The following SEPTIN7 variants were observed in gnomAD, a reference collection of about 807,000 sequenced individuals.
SEPTIN7 encodes the protein septin-7.
In SEPTIN7, 10 loss-of-function variants were observed where a neutral mutation model predicts 63.3. The ratio of observed to expected loss-of-function variants is 0.16; its 90% confidence interval spans 0.10 to 0.27. The LOEUF is 0.27. Among genes scored for constraint, SEPTIN7 ranks in the 10% least tolerant of loss-of-function variants. The pLI is 1.00. For missense variants in SEPTIN7, 310 were observed against 521.0 expected (o/e 0.59, Z 3.94); for synonymous variants, 131 against 165.3 (o/e 0.79, Z 1.59).
intron 3 of SEPTIN7, 145 bp from the exon 4 acceptor site, chr7:35,863,407 T>C: frequency 1.8e-6 from 1 of 568,918 alleles, no homozygotes; most frequent in African/African-American, 1.9e-5. Flanking sequence ...AAGATACTTA[T>C]TCTCTGTAGC....
intron 1 of SEPTIN7, among the ~76,000 whole-genome samples, chr7:35,830,432 G>A (rs1783776341): frequency 6.6e-6 from 1 of 152,046 alleles, no homozygotes; most frequent in Admixed American, 6.6e-5. Flanking sequence ...AAATACTGAT[G>A]GATGGGTTTC....
chr7:35,825,653 A>G (rs1028440025), intron 1 of SEPTIN7, among the ~76,000 whole-genome samples: 3 of 152,138 alleles, frequency 2.0e-5, no homozygotes, highest in Non-Finnish European at 4.4e-5. Context: ...CTTCTTGAGC[A>G]GGGATCTTGT....
At chr7:35,840,556 G>A (rs1784361908) in intron 3 of SEPTIN7, among the ~76,000 whole-genome samples, 1 of 152,002 alleles carries the variant, frequency 6.6e-6, no homozygotes, top group African/African-American at 2.4e-5. Context: ...GGGATTACAG[G>A]TGTGAGTCAT....
chr7:35,820,536 TTTTA>T lies in SEPTIN7; in HGVS notation c.62-10949_62-10946del, dbSNP rs1429098183. ...TTCGTTGAGCTTCTCTAGTGAATAC[TTTTA>T]TTTATTATATTTTTTAACTCCAGAA... On this transcript the variant is annotated intron_variant, in intron 1 of 13. Coordinates refer to ENST00000350320, the MANE Select transcript of SEPTIN7 (RefSeq NM_001788.6). Among the ~76,000 whole-genome samples the T allele has an allele frequency of 3.3e-5, 5 of 152,298 alleles. No homozygotes were observed. In the South Asian group the frequency reaches 8.3e-4, roughly 25 times the overall value.
chr7:35,840,137 C>G (rs1393953519), intron 3 of SEPTIN7, among the ~76,000 whole-genome samples: 4 of 100,462 alleles, frequency 4.0e-5, no homozygotes, highest in African/African-American at 1.2e-4. Context: ...TTCCCCTTCC[C>G]CCTTCCTCCT....
chr7:35,878,675 C>G lies in SEPTIN7; in HGVS notation c.513-1148C>G, dbSNP rs571159631. 9.4e-4 allele frequency among the ~76,000 whole-genome samples: 143 copies of G among 152,194 alleles called. 1 individual carries two copies. Among genetic ancestry groups the G allele is most frequent in the African/African-American group, 3.3e-3 (139 of 41,526 alleles). On this transcript the variant is annotated intron_variant, in intron 6 of 13. Transcript: ENST00000350320. Reference sequence around the variant, plus strand: ...ATGCATACACACATCTATACACATACTATATATAGGAATAGGATTAGAGGA... The same window carrying G: ...ATGCATACACACATCTATACACATAGTATATATAGGAATAGGATTAGAGGA...
At position 35,877,288 on chromosome 7, in the gene SEPTIN7, A is replaced by C. The variant is rs1261935056; in HGVS notation, c.513-2535A>C. The stretch of plus-strand genomic sequence containing the variant: ...GATTTAAGACAAGGAGAATTAGAAT[A>C]GGAGGCAGCTATCTTAATTCTCCAT... On this transcript the variant is annotated intron_variant, in intron 6 of 13. Transcript: ENST00000350320. Among the ~76,000 whole-genome samples the C allele has an allele frequency of 5.9e-5, 9 of 152,270 alleles. No homozygotes were observed. In the East Asian group the frequency reaches 1.5e-3, roughly 26 times the overall value.
chr7:35,914,638 CCTCTCTCTCT>C, the SEPTIN7 span, among the ~76,000 whole-genome samples: 4 of 148,706 alleles, frequency 2.7e-5, no homozygotes, highest in Non-Finnish European at 4.5e-5. Flanking sequence ...TCTTTCTGTC[CCTCTCTCTCT>C]CTCTCTCTCT....
At chr7:35,834,574 C>G (rs1431103479) in intron 3 of SEPTIN7, among the ~76,000 whole-genome samples, 1 of 152,046 alleles carries the variant, frequency 6.6e-6, no homozygotes, top group East Asian at 1.9e-4. Flanking sequence ...TCCTTACTTT[C>G]AAGTGTTAAT....
chr7:35,851,853 AATTAAT>A (rs1784977278), intron 3 of SEPTIN7, among the ~76,000 whole-genome samples: 1 of 152,168 alleles, frequency 6.6e-6, no homozygotes, highest in African/African-American at 2.4e-5. Flanking sequence ...TGTGAGTAGA[AATTAAT>A]ATTAATGTTC....
chr7:35,811,096 G>A (rs76934840), intron 1 of SEPTIN7, among the ~76,000 whole-genome samples: 10,771 of 152,108 alleles, frequency 0.071, 425 homozygotes, highest in South Asian at 0.18. Flanking sequence ...GAAGATTTTG[G>A]TATGTATTGT....
At chr7:35,891,798 T>TA in intron 11 of SEPTIN7, among the ~76,000 whole-genome samples, 1 of 152,334 alleles carries the variant, frequency 6.6e-6, no homozygotes, top group East Asian at 1.9e-4. Context: ...ACTTAAATTT[T>TA]AAAAAACTTT....
At chr7:35,881,879 C>A (rs1183127980) in intron 7 of SEPTIN7, among the ~76,000 whole-genome samples, 3 of 151,946 alleles carry the variant, frequency 2.0e-5, no homozygotes, top group African/African-American at 7.2e-5. Context: ...TCTGCATTCT[C>A]CTTATTAATT....
chr7:35,821,725 A>G (rs1789420951), intron 1 of SEPTIN7, among the ~76,000 whole-genome samples: 1 of 152,282 alleles, frequency 6.6e-6, no homozygotes, highest in African/African-American at 2.4e-5. Context: ...CATGTAGGAG[A>G]GTGTCTCTTT....
rs115371494 is a variant in SEPTIN7, at chr7:35,862,838, T to C, written c.170-714T>C. Among the ~76,000 whole-genome samples, 957 of 152,274 alleles carry C rather than the reference T, an allele frequency of 6.3e-3. 7 individuals carry two copies. The highest frequency in any genetic ancestry group is 0.022 in the African/African-American group (915 of 41,558). Reference sequence around the variant, plus strand: ...TATATACCTTGAAGCCATTTATATTTTCATATACTTGTAATAGTTACTATA... The same window carrying C: ...TATATACCTTGAAGCCATTTATATTCTCATATACTTGTAATAGTTACTATA... On this transcript the variant is annotated intron_variant, in intron 3 of 13. Transcript: ENST00000350320.
rs1788562843 is a variant in SEPTIN7, at chr7:35,905,411, T to C, written c.*1118T>C. On this transcript the variant is annotated 3_prime_UTR_variant, in exon 14 of 14. Transcript: ENST00000350320. Reference sequence around the variant, plus strand: ...TTTGCCTCCTCTACAATGACATCTTTTATATGCTTGTCTCATTTAGAATGC... The same window carrying C: ...TTTGCCTCCTCTACAATGACATCTTCTATATGCTTGTCTCATTTAGAATGC... 1 of 152,312 alleles carries C rather than the reference T, an allele frequency of 6.6e-6. No individual in the cohort carries two copies. The highest frequency in any genetic ancestry group is 2.1e-4 in the South Asian group (1 of 4,836). 9.4% of individuals were successfully genotyped at this position (152,312 alleles called of 1,614,324 possible).
At chr7:35,890,814 C>T in intron 11 of SEPTIN7, 21 bp downstream of exon 11, 4 of 1,488,438 alleles carry the variant, frequency 2.7e-6, no homozygotes, top group Non-Finnish European at 3.6e-6. Flanking sequence ...ATTTTTTTCT[C>T]CAAAAAGGTA....
chr7:35,897,294 G>A (rs1279986121), intron 11 of SEPTIN7, among the ~76,000 whole-genome samples: 1 of 152,048 alleles, frequency 6.6e-6, no homozygotes, highest in Non-Finnish European at 1.5e-5. Context: ...TTTGTCCCAG[G>A]GTATTGAATA....
intron 1 of SEPTIN7, among the ~76,000 whole-genome samples, chr7:35,824,442 T>A (rs1268278926): frequency 6.6e-6 from 1 of 152,204 alleles, no homozygotes; most frequent in Non-Finnish European, 1.5e-5. Context: ...TTCATATCCA[T>A]GGCCTTGATA....
Sources: gnomAD v4.1 joint callset for allele counts (sites outside exome capture counted in the v4.1 genomes callset) on GRCh38, gnomAD v4.1.1 for gene constraint, MANE v1.5 for transcripts, NCBI Gene and HGNC (gene_info 2026-07-23, HGNC 2026-07-21) for gene names.